ASTN2: variants seen among roughly 807,000 people sequenced by gnomAD.
ASTN2 encodes the protein astrotactin 2.
In ASTN2, 54 loss-of-function variants were observed where a neutral mutation model predicts 139.8. That is an observed-to-expected ratio of 0.39 (90% CI 0.31 to 0.48). ASTN2 has a LOEUF of 0.48. ASTN2 is among the 20% of genes least tolerant of loss of function. The pLI, the probability that ASTN2 is intolerant of heterozygous loss-of-function variation, is 0.95. For missense variants in ASTN2, 1,565 were observed against 1,725.1 expected (o/e 0.91, Z 1.64); for synonymous variants, 756 against 719.5 (o/e 1.05, Z -0.81).
intron 3 of ASTN2, among the ~76,000 whole-genome samples, chr9:117,196,116 C>T (rs1222723626): frequency 6.6e-6 from 1 of 152,160 alleles, no homozygotes; most frequent in South Asian, 2.1e-4. Flanking sequence ...ACTACAATAG[C>T]TCTCATGTTG....
chr9:116,832,533 ATTC>A (rs1831845333), intron 11 of ASTN2, among the ~76,000 whole-genome samples: 1 of 151,704 alleles, frequency 6.6e-6, no homozygotes, highest in Non-Finnish European at 1.5e-5. Flanking sequence ...GTTCTCTTCT[ATTC>A]TTATTTTTTT....
intron 19 of ASTN2, among the ~76,000 whole-genome samples, chr9:116,551,581 T>A (rs550512488): frequency 2.0e-5 from 3 of 152,094 alleles, no homozygotes; most frequent in Non-Finnish European, 4.4e-5. Context: ...TCTTTCCCAT[T>A]TGGGGGACTG....
chr9:117,162,927 A>G (rs1481248750), intron 3 of ASTN2, among the ~76,000 whole-genome samples: 1 of 152,048 alleles, frequency 6.6e-6, no homozygotes, highest in Non-Finnish European at 1.5e-5. Flanking sequence ...ACCTCAGAAG[A>G]GAGATGGGTA....
intron 10 of ASTN2, among the ~76,000 whole-genome samples, chr9:116,905,468 C>T (rs116539499): frequency 6.4e-4 from 98 of 152,228 alleles, no homozygotes; most frequent in African/African-American, 2.1e-3. Context: ...GCTACCCTTT[C>T]GTTAGTATAG....
At chr9:116,468,660 A>T (rs1688985930) in intron 20 of ASTN2, among the ~76,000 whole-genome samples, 1 of 152,198 alleles carries the variant, frequency 6.6e-6, no homozygotes, top group African/African-American at 2.4e-5. Context: ...CTAGTGTATT[A>T]GCCAGAGTGA....
intron 2 of ASTN2, among the ~76,000 whole-genome samples, chr9:117,243,309 C>T (rs1317767288): frequency 1.3e-5 from 2 of 152,158 alleles, no homozygotes; most frequent in East Asian, 1.9e-4. Flanking sequence ...TAACTGAGAA[C>T]AGACTGAATT....
At chr9:116,594,192 A>G (rs1854479447) in intron 19 of ASTN2, among the ~76,000 whole-genome samples, 1 of 152,194 alleles carries the variant, frequency 6.6e-6, no homozygotes. Context: ...TCAATACATC[A>G]ATAGTAATCT....
intron 4 of ASTN2, among the ~76,000 whole-genome samples, chr9:117,111,834 G>T (rs1247742342): frequency 1.3e-5 from 2 of 151,774 alleles, no homozygotes; most frequent in East Asian, 3.9e-4. Context: ...AAAGCTTAAA[G>T]TTTGAAAGGA....
At chr9:116,609,025 C>A (rs1385759163) in intron 19 of ASTN2, among the ~76,000 whole-genome samples, 1 of 151,998 alleles carries the variant, frequency 6.6e-6, no homozygotes, top group South Asian at 2.1e-4. Context: ...GCACTAGAAA[C>A]TATCCAAAAT....
In ASTN2 at chr9:116,533,448, A is replaced by G. The variant is rs959746833; in HGVS notation, c.3356-45948T>C. On this transcript the variant is annotated intron_variant, in intron 19 of 22. Coordinates refer to ENST00000313400, the MANE Select transcript of ASTN2 (RefSeq NM_001365068.1). Reference sequence around the variant, plus strand: ...ATCCCTGTCTTGTGCCAGTTTTCAAAGGGAATGCTTCCAGTTTTTGTCTGT... The same window carrying G: ...ATCCCTGTCTTGTGCCAGTTTTCAAGGGGAATGCTTCCAGTTTTTGTCTGT... Among the ~76,000 whole-genome samples, 7 of 152,192 alleles carry G rather than the reference A, an allele frequency of 4.6e-5. No homozygotes were observed. In the South Asian group the frequency reaches 8.3e-4, roughly 18 times the overall value.
intron 10 of ASTN2, among the ~76,000 whole-genome samples, chr9:116,956,973 T>C (rs1254538925): frequency 6.6e-6 from 1 of 152,000 alleles, no homozygotes; most frequent in Non-Finnish European, 1.5e-5. Flanking sequence ...GGTTGAAAGA[T>C]TTAATATTGT....
intron 2 of ASTN2, among the ~76,000 whole-genome samples, chr9:117,265,201 G>A (rs1364696036): frequency 1.3e-5 from 2 of 152,164 alleles, no homozygotes; most frequent in Non-Finnish European, 2.9e-5. Context: ...AGAGGAGTTA[G>A]GAAACAAGGC....
At chr9:116,961,282 A>C (rs1235690281) in intron 10 of ASTN2, among the ~76,000 whole-genome samples, 1 of 150,088 alleles carries the variant, frequency 6.7e-6, no homozygotes, top group Non-Finnish European at 1.5e-5. Context: ...TAGTGTATTC[A>C]TATTGGTGTG....
chr9:117,365,356 GAGAA>G lies in ASTN2; in HGVS notation c.442+49137_442+49140del, dbSNP rs376090692. On this transcript the variant is annotated intron_variant, in intron 1 of 22. Transcript: ENST00000313400. The stretch of plus-strand genomic sequence containing the variant: ...AAGAAAGAGAGAAAAGAAAAGAAAA[GAGAA>G]AGAAAGAAAGAATTAGAGTATGCTT... 2.2e-4 allele frequency among the ~76,000 whole-genome samples: 34 copies of G among 151,934 alleles called. No individual in the cohort carries two copies. The South Asian group carries it at 4.2e-3, about 19-fold the overall frequency.
chr9:116,971,039 C>A (rs377712307), intron 10 of ASTN2, among the ~76,000 whole-genome samples: 4 of 151,818 alleles, frequency 2.6e-5, no homozygotes, highest in African/African-American at 7.3e-5. Flanking sequence ...ATGCTCCTTG[C>A]TATACCATGA....
intron 13 of ASTN2, among the ~76,000 whole-genome samples, chr9:116,740,765 C>T (rs1246658758): frequency 6.6e-6 from 1 of 151,824 alleles, no homozygotes; most frequent in Non-Finnish European, 1.5e-5. Context: ...CTGCCCGTGT[C>T]AGCCTCTCAA....
intron 10 of ASTN2, among the ~76,000 whole-genome samples, chr9:116,869,254 C>A (rs1833093197): frequency 6.6e-6 from 1 of 152,092 alleles, no homozygotes; most frequent in South Asian, 2.1e-4. Context: ...CTGTTATAAC[C>A]TTTTCTTAGT....
chr9:117,180,861 G>A, intron 3 of ASTN2: 1 of 1,570,066 alleles, frequency 6.4e-7, no homozygotes, highest in African/African-American at 1.3e-5. Flanking sequence ...GGATCTTCTG[G>A]TGGCCAGGAA....
chr9:117,228,929 G>A (rs993437953), intron 2 of ASTN2, among the ~76,000 whole-genome samples: 7 of 152,184 alleles, frequency 4.6e-5, no homozygotes, highest in Non-Finnish European at 8.8e-5. Flanking sequence ...CCTTGAACCT[G>A]GGAGGCGGAG....
Sources: allele counts gnomAD v4.1 joint callset (sites outside exome capture counted in the v4.1 genomes callset), GRCh38; gene constraint gnomAD v4.1.1; transcripts MANE v1.5; gene names NCBI Gene and HGNC (gene_info 2026-07-23, HGNC 2026-07-21).